CCDC85A: variants seen among roughly 807,000 people sequenced by gnomAD.
The protein encoded by CCDC85A is coiled-coil domain containing 85A, also known as coiled-coil domain-containing protein 85A.
Under a neutral mutation model 50.2 loss-of-function variants are expected in CCDC85A, and 38 were observed. The observed-to-expected ratio is 0.76, with a 90% CI of 0.58 to 0.99. The LOEUF is 0.99. Ranked by LOEUF, CCDC85A falls within the 50% of genes least tolerant of loss-of-function variation. CCDC85A has a pLI of 0.00. For synonymous variants in CCDC85A, 366 were observed against 301.4 expected (o/e 1.21, Z -2.22); for missense variants, 820 against 742.0 (o/e 1.11, Z -1.22).
chr2:56,378,192 A>T (rs970163988), intron 5 of CCDC85A, among the ~76,000 whole-genome samples: 8 of 152,196 alleles, frequency 5.3e-5, no homozygotes, highest in South Asian at 2.1e-4. Context: ...GAGCTGATTT[A>T]TATCATGAGA....
At chr2:56,234,283 C>T (rs538428576) in intron 2 of CCDC85A, among the ~76,000 whole-genome samples, 1 of 152,240 alleles carries the variant, frequency 6.6e-6, no homozygotes, top group Admixed American at 6.5e-5. Flanking sequence ...GGGTGCAGTG[C>T]TAACTTTGTT....
chr2:56,356,676 G>C (rs1173177233), intron 3 of CCDC85A, among the ~76,000 whole-genome samples: 3 of 148,216 alleles, frequency 2.0e-5, no homozygotes, highest in African/African-American at 7.5e-5. Context: ...AGTGAGCTGA[G>C]ATCATGCCAC....
chr2:56,204,102 TA>T lies in CCDC85A; in HGVS notation c.1240+10665del, dbSNP rs143028426. On this transcript the variant is annotated intron_variant, in intron 2 of 5. Coordinates refer to ENST00000407595, the MANE Select transcript of CCDC85A (RefSeq NM_001080433.2). ...AGTACCAGAATTTAGATTTCACAGG[TA>T]AATAAAACCTGAGAGTAAACCTGGA... 7.3e-3 allele frequency among the ~76,000 whole-genome samples: 1,111 copies of T among 152,282 alleles called. 9 individuals are homozygous for T. Among genetic ancestry groups the T allele is most frequent in the African/African-American group, 0.025 (1,053 of 41,550 alleles).
chr2:56,289,951 G>GTAC (rs1558625178), intron 2 of CCDC85A, among the ~76,000 whole-genome samples: 1 of 151,944 alleles, frequency 6.6e-6, no homozygotes, highest in African/African-American at 2.4e-5. Flanking sequence ...CTTGTCTCTG[G>GTAC]TACTAGGCTA....
intron 2 of CCDC85A, among the ~76,000 whole-genome samples, chr2:56,258,716 C>A (rs778534027): frequency 6.6e-6 from 1 of 152,206 alleles, no homozygotes; most frequent in Non-Finnish European, 1.5e-5. Flanking sequence ...AAAGTTAGAT[C>A]TTTGCAAAGG....
intron 2 of CCDC85A, among the ~76,000 whole-genome samples, chr2:56,229,907 T>C (rs948598086): frequency 6.6e-6 from 1 of 152,240 alleles, no homozygotes; most frequent in South Asian, 2.1e-4. Context: ...AATTTTGCTT[T>C]AGCATAAGCA....
chr2:56,346,940 T>C (rs1268781355), intron 3 of CCDC85A, among the ~76,000 whole-genome samples: 2 of 152,218 alleles, frequency 1.3e-5, no homozygotes, highest in Non-Finnish European at 2.9e-5. Context: ...AAATCGTGCT[T>C]AAATAAATTT....
intron 2 of CCDC85A, among the ~76,000 whole-genome samples, chr2:56,226,278 T>G (rs1018588891): frequency 1.3e-5 from 2 of 152,188 alleles, no homozygotes; most frequent in African/African-American, 2.4e-5. Flanking sequence ...CATCACTCAA[T>G]AATAGATGTT....
At chr2:56,220,121 G>A (rs1668260664) in intron 2 of CCDC85A, among the ~76,000 whole-genome samples, 1 of 151,986 alleles carries the variant, frequency 6.6e-6, no homozygotes, top group African/African-American at 2.4e-5. Context: ...ATGGTGGTCA[G>A]AAGTCAAGCT....
chr2:56,289,737 T>C (rs1480301139), intron 2 of CCDC85A, among the ~76,000 whole-genome samples: 1 of 152,218 alleles, frequency 6.6e-6, no homozygotes, highest in Non-Finnish European at 1.5e-5. Context: ...AAACCTCATC[T>C]CTGTTGTCCG....
At chr2:56,375,991 C>A (rs556206050) in intron 5 of CCDC85A, 56 bp downstream of exon 5, 2 of 1,584,042 alleles carry the variant, frequency 1.3e-6, no homozygotes, top group East Asian at 2.3e-5. Flanking sequence ...GTCGCTTGTT[C>A]GCTGTAGTCT....
At chr2:56,373,831 G>A (rs1676202031) in intron 4 of CCDC85A, among the ~76,000 whole-genome samples, 1 of 152,156 alleles carries the variant, frequency 6.6e-6, no homozygotes, top group Admixed American at 6.5e-5. Context: ...AGGAGGAAAA[G>A]AGAAGAGTAG....
intron 2 of CCDC85A, among the ~76,000 whole-genome samples, chr2:56,196,987 T>G (rs1438248993): frequency 6.6e-6 from 1 of 152,134 alleles, no homozygotes; most frequent in African/African-American, 2.4e-5. Context: ...GTGCTCTCCT[T>G]AAACATCACT....
chr2:56,347,836 A>T (rs907465040), intron 3 of CCDC85A, among the ~76,000 whole-genome samples: 1 of 152,186 alleles, frequency 6.6e-6, no homozygotes, highest in Non-Finnish European at 1.5e-5. Context: ...TACTCCATTC[A>T]TTATCCTTTT....
intron 2 of CCDC85A, among the ~76,000 whole-genome samples, chr2:56,198,277 T>G (rs1007965852): frequency 6.6e-6 from 1 of 152,244 alleles, no homozygotes; most frequent in African/African-American, 2.4e-5. Context: ...ACATCACTTG[T>G]GAATGAATTT....
chr2:56,326,358 A>G (rs1338321745), intron 2 of CCDC85A, among the ~76,000 whole-genome samples: 2 of 152,178 alleles, frequency 1.3e-5, no homozygotes, highest in African/African-American at 4.8e-5. Flanking sequence ...AATAAATCAA[A>G]TAAATGTCAT....
intron 2 of CCDC85A, among the ~76,000 whole-genome samples, chr2:56,194,969 A>C (rs1676467779): frequency 6.6e-6 from 1 of 151,390 alleles, no homozygotes; most frequent in Non-Finnish European, 1.5e-5. Context: ...GAGATTGGTC[A>C]TTGGACATGA....
Position 56,192,608 on chromosome 2 carries a change from G to A in CCDC85A, c.408G>A (p.Val136=), listed in dbSNP as rs1206068327. The A allele has an allele frequency of 6.2e-7, 1 of 1,613,956 alleles. No individual in the cohort carries two copies. The highest frequency in any genetic ancestry group is 8.5e-7 in the Non-Finnish European group (1 of 1,179,866). ...GACTGGGTCGCTACACTGCCGGGGT[G>A]ATGCACAAGGAAGTGGCCTTATACC... ...WQRLGRYTAG[V]MHKEVALYLQ... The change falls in exon 2 of 6, where the codon GTG becomes GTA. Residue 136 remains valine, a synonymous_variant. Coordinates refer to ENST00000407595, the MANE Select transcript of CCDC85A (RefSeq NM_001080433.2). The surrounding 1 kb of genome is among the most constrained non-coding windows in gnomAD (Gnocchi z 4.7).
chr2:56,357,940 C>T (rs961353329), intron 3 of CCDC85A, among the ~76,000 whole-genome samples: 7 of 152,156 alleles, frequency 4.6e-5, no homozygotes, highest in African/African-American at 1.7e-4. Flanking sequence ...AGCATTGAAT[C>T]CATCTTGATG....
Sources: gnomAD v4.1 joint callset for allele counts (sites outside exome capture counted in the v4.1 genomes callset) on GRCh38, gnomAD v4.1.1 for gene constraint, Gnocchi (gnomAD v3.1) non-coding constraint, MANE v1.5 for transcripts, NCBI Gene and HGNC (gene_info 2026-07-23, HGNC 2026-07-21) for gene names.